KCP: variants seen among roughly 807,000 people sequenced by gnomAD.
KCP encodes kielin cysteine rich BMP regulator.
In KCP, 194 loss-of-function variants were observed where a neutral mutation model predicts 212.7. That is an observed-to-expected ratio of 0.91 (90% CI 0.81 to 1.03). The LOEUF (loss-of-function observed/expected upper bound fraction) is 1.03. KCP is among the 50% of genes least tolerant of loss of function. The pLI is 0.00. For missense variants in KCP, 2,080 were observed against 2,162.5 expected, an observed-to-expected ratio of 0.96 and a Z score of 0.76; for synonymous variants, 833 against 865.3, an observed-to-expected ratio of 0.96 and a Z score of 0.65.
chr7:128,887,046 G>C, intron 23 of KCP, 80 bp from the exon 24 acceptor site: 1 of 1,018,906 alleles, frequency 9.8e-7, no homozygotes, highest in Non-Finnish European at 1.5e-6. Context: ...GCCTGCAGGG[G>C]CCCAAACACC....
intron 29 of KCP, among the ~76,000 whole-genome samples, chr7:128,883,784 A>T (rs1349261295): frequency 6.6e-6 from 1 of 152,174 alleles, no homozygotes; most frequent in African/African-American, 2.4e-5. Flanking sequence ...GCTGGCCAAG[A>T]TGCTCCACAA....
chr7:128,897,046 G>A (rs1047050480), intron 8 of KCP, among the ~76,000 whole-genome samples: 3 of 152,122 alleles, frequency 2.0e-5, no homozygotes, highest in Non-Finnish European at 4.4e-5. Flanking sequence ...TCCACTGCAA[G>A]CTGGGTGAAT....
At position 128,877,057 on chromosome 7, in the gene KCP, G is replaced by A; in HGVS notation, c.4873C>T (p.Gln1625Ter). The A allele has an allele frequency of 6.5e-7, 1 of 1,529,456 alleles. No homozygotes were observed. The highest frequency in any genetic ancestry group is 1.8e-4 in the Middle Eastern group (1 of 5,700). 94.7% of individuals were successfully genotyped at this position (1,529,456 alleles called of 1,614,324 possible). Residue 1625 changes from glutamine (Q) to a stop codon, truncating the protein, a stop_gained, in exon 40 of 40, where the codon CAG (glutamine) becomes TAG (stop). Coordinates refer to ENST00000610776, the MANE Select transcript of KCP (RefSeq NM_001366122.1). LOFTEE classifies it high-confidence loss of function. ...GARPSPSREP[Q>*]ETP is the part of the protein sequence containing the mutation. ...ACTGTCCTGGCTCAGGGTGTCTCCT[G>A]GGGCTCCCGGCTGGGGCTGGGCCGA...
Position 128,886,521 on chromosome 7 carries a change from G to T in KCP, c.2809C>A (p.Pro937Thr), listed in dbSNP as rs937817911. The T allele has an allele frequency of 6.4e-7, 1 of 1,550,964 alleles. No individual in the cohort carries two copies. The highest frequency in any genetic ancestry group is 1.4e-5 in the African/African-American group (1 of 73,128). ...QVSCVRLQCP[P>T]LPCKLQVTER... is the part of the protein sequence containing the mutation. ...GTGACCTGGAGCTTGCAGGGAAGGGGTGGGCACTGCAGCCGCACACAGCTG... is the reference window on the plus strand; with the variant it reads ...GTGACCTGGAGCTTGCAGGGAAGGGTTGGGCACTGCAGCCGCACACAGCTG... The change falls in exon 26 of 40, where the codon CCC becomes ACC. Residue 937 changes from proline (P) to threonine (T), a missense_variant. Coordinates refer to ENST00000610776, the MANE Select transcript of KCP (RefSeq NM_001366122.1).
rs1795174779 is a variant in KCP, at chr7:128,907,315, G to C, written c.358C>G (p.Gln120Glu). 6.5e-6 allele frequency: 10 copies of C among 1,540,332 alleles called. No homozygotes were observed. Among genetic ancestry groups the C allele is most frequent in the Non-Finnish European group, 8.8e-6 (10 of 1,138,528 alleles). ...GGGCCACAGTGAGCGGCCCCATCCT[G>C]GCAGACGCAGGCTGTGCAGGCGTCA... ...EPDACTACVC[Q>E]DGAAHCGPQA... Residue 120 changes from glutamine to glutamate, a missense_variant, in exon 3 of 40, where the codon CAG becomes GAG. Transcript: ENST00000610776.
At chr7:128,882,148 A>C in intron 29 of KCP, 132 bp from the exon 30 acceptor site, 1 of 629,648 alleles carries the variant, frequency 1.6e-6, no homozygotes, top group Non-Finnish European at 2.8e-6. Flanking sequence ...CAGCACCTTG[A>C]CTCCAGGGAG....
At chr7:128,905,492 A>G (rs1795079922) in intron 5 of KCP, among the ~76,000 whole-genome samples, 2 of 152,134 alleles carry the variant, frequency 1.3e-5, no homozygotes. Flanking sequence ...CAGGGGACCC[A>G]GCCAGTCACC....
chr7:128,880,768 C>A, intron 32 of KCP, 47 bp from the exon 33 acceptor site: 1 of 405,592 alleles, frequency 2.5e-6, no homozygotes, highest in Non-Finnish European at 4.3e-6. Flanking sequence ...GGGCCGGAGT[C>A]CCCAGCCTCA....
At chr7:128,903,400 C>T in intron 7 of KCP, 1 of 360,268 alleles carries the variant, frequency 2.8e-6, no homozygotes, top group East Asian at 5.3e-5. Context: ...CAAGATTTTG[C>T]ATTAGTGTAT....
intron 8 of KCP, among the ~76,000 whole-genome samples, chr7:128,900,922 T>C (rs1794805139): frequency 6.6e-6 from 1 of 152,148 alleles, no homozygotes. Context: ...CCATCTTAAA[T>C]AGGAGCTGGA....
chr7:128,884,915 G>T, intron 27 of KCP, 52 bp from the exon 28 acceptor site: 1 of 1,529,848 alleles, frequency 6.5e-7, no homozygotes. Flanking sequence ...CAGGCTGGCA[G>T]CGAGGCAGGG....
chr7:128,902,908 G>T, intron 7 of KCP, 49 bp from the exon 8 acceptor site: 1 of 1,408,730 alleles, frequency 7.1e-7, no homozygotes, highest in South Asian at 1.2e-5. Context: ...AGCTGGCCTG[G>T]ACCCCAGCCT....
chr7:128,891,294 C>T lies in KCP; in HGVS notation c.1879-16G>A, dbSNP rs1355948606. ...CGTTGCCGCTCTACGGACCGACAGA[C>T]GCACCACGGGTCAGTGGGTTAGTTG... is the stretch of plus-strand genomic sequence containing the variant. On this transcript the variant is annotated splice_polypyrimidine_tract_variant and intron_variant, in intron 18 of 39. Transcript: ENST00000610776. 6 of 1,547,452 alleles carry T rather than the reference C, an allele frequency of 3.9e-6. No homozygotes were observed. In the African/African-American group the frequency reaches 5.5e-5, roughly 14 times the overall value.
intron 11 of KCP, 82 bp from the exon 12 acceptor site, chr7:128,893,558 C>T: frequency 8.7e-7 from 1 of 1,153,082 alleles, no homozygotes; most frequent in Non-Finnish European, 1.3e-6. Flanking sequence ...GTCCAACCCC[C>T]ACCCTGACAA....
intron 8 of KCP, among the ~76,000 whole-genome samples, chr7:128,901,526 G>A (rs1467424029): frequency 6.6e-6 from 1 of 152,056 alleles, no homozygotes; most frequent in Non-Finnish European, 1.5e-5. Flanking sequence ...CTCGGGATAC[G>A]GAGGCAGGAG....
chr7:128,900,493 G>A (rs989565221), intron 8 of KCP, among the ~76,000 whole-genome samples: 1 of 152,130 alleles, frequency 6.6e-6, no homozygotes, highest in Non-Finnish European at 1.5e-5. Context: ...ATATCAGCTT[G>A]GTTCCAACAG....
At position 128,880,346 on chromosome 7, in the gene KCP, C is replaced by A. The variant is rs544340330; in HGVS notation, c.3759+40G>T. The A allele has an allele frequency of 2.7e-6, 4 of 1,485,252 alleles. No individual in the cohort carries two copies. In the African/African-American group the frequency reaches 4.2e-5, roughly 16 times the overall value. 92.0% of individuals were successfully genotyped at this position (1,485,252 alleles called of 1,614,324 possible). A position where few individuals can be genotyped will look rare whatever the true frequency, so the allele number is the denominator to read the frequency against. On this transcript the variant is annotated intron_variant, in intron 34 of 39. Transcript: ENST00000610776. ...CCAGGATGGCGGTACCATGTGCCCC[C>A]ACCCTGACCCTCCCCACCATTTTAG... is the stretch of plus-strand genomic sequence containing the variant.
intron 29 of KCP, among the ~76,000 whole-genome samples, chr7:128,883,330 G>A (rs569568467): frequency 7.9e-5 from 12 of 151,868 alleles, no homozygotes; most frequent in Non-Finnish European, 1.8e-4. Flanking sequence ...AGTAGAGACG[G>A]GGTTTCACCA....
intron 8 of KCP, among the ~76,000 whole-genome samples, 175 bp downstream of exon 8, chr7:128,902,602 C>T (rs928699395): frequency 2.0e-5 from 3 of 152,202 alleles, no homozygotes; most frequent in Admixed American, 6.5e-5. Flanking sequence ...GAGCTGGGCA[C>T]GCAGATGAGC....
Sources: gnomAD v4.1 joint callset for allele counts (sites outside exome capture counted in the v4.1 genomes callset) on GRCh38, gnomAD v4.1.1 for gene constraint, MANE v1.5 for transcripts, NCBI Gene and HGNC (gene_info 2026-07-23, HGNC 2026-07-21) for gene names.